Variants in DENND4C observed in about 807,000 individuals in gnomAD.
DENND4C encodes DENN domain-containing protein 4C.
Under a neutral mutation model 203.0 loss-of-function variants are expected in DENND4C, and 108 were observed. That is an observed-to-expected ratio of 0.53 (90% CI 0.46 to 0.62). The LOEUF is 0.62. Among genes scored for constraint, DENND4C ranks in the 20% least tolerant of loss-of-function variants. The pLI, the probability that DENND4C is intolerant of heterozygous loss-of-function variation, is 0.00. For synonymous variants in DENND4C, 871 were observed against 792.4 expected, an observed-to-expected ratio of 1.10 and a Z score of -1.67; for missense variants, 2,481 against 2,301.2, an observed-to-expected ratio of 1.08 and a Z score of -1.60.
intron 30 of DENND4C, among the ~76,000 whole-genome samples, chr9:19,362,887 G>T (rs1826802143): frequency 6.6e-6 from 1 of 152,190 alleles, no homozygotes; most frequent in Non-Finnish European, 1.5e-5. Flanking sequence ...ATACAATTCA[G>T]TAGAGAAATG....
intron 12 of DENND4C, among the ~76,000 whole-genome samples, chr9:19,321,149 T>G (rs1010105132): frequency 6.6e-6 from 1 of 152,218 alleles, no homozygotes; most frequent in Non-Finnish European, 1.5e-5. Context: ...CTCTTTGAAA[T>G]GTTAAAAAGA....
intron 26 of DENND4C, among the ~76,000 whole-genome samples, 184 bp from the exon 27 acceptor site, chr9:19,356,788 T>TGAGAGAGAGA (rs60635871): frequency 6.4e-5 from 9 of 140,380 alleles, no homozygotes; most frequent in African/African-American, 1.7e-4. Context: ...TGTGTGTGTG[T>TGAGAGAGAGA]GAGAGAGAGA....
chr9:19,342,165 C>T (rs959599033), intron 21 of DENND4C, among the ~76,000 whole-genome samples: 3 of 151,008 alleles, frequency 2.0e-5, no homozygotes, highest in African/African-American at 4.9e-5. Flanking sequence ...TGGTTTTTCC[C>T]GGTTTTTATA....
intron 1 of DENND4C, among the ~76,000 whole-genome samples, chr9:19,258,762 C>G (rs1440019790): frequency 6.6e-6 from 1 of 151,842 alleles, no homozygotes; most frequent in Non-Finnish European, 1.5e-5. Context: ...TCAGGAGATT[C>G]TCCTGCCTCA....
chr9:19,339,908 A>G (rs1821240713), intron 20 of DENND4C, among the ~76,000 whole-genome samples: 1 of 151,988 alleles, frequency 6.6e-6, no homozygotes, highest in African/African-American at 2.4e-5. Context: ...TGTTTTATTC[A>G]TTGAAATATA....
At position 19,346,272 on chromosome 9, in the gene DENND4C, G is replaced by A; in HGVS notation, c.3503G>A (p.Trp1168Ter). ...AGGACTTGTATGTCTGAAAGCACTT[G>A]GAATCCTGAGCACAGATCATCTCCG... ...DSRTCMSEST[W>*]NPEHRSSPVP... The change falls in exon 23 of 33, where the codon TGG (tryptophan) becomes TAG (stop). Residue 1168 changes from tryptophan (W) to a stop codon, truncating the protein, a stop_gained. Coordinates refer to ENST00000434457, the MANE Select transcript of DENND4C (RefSeq NM_001330640.2). LOFTEE classifies it high-confidence loss of function. 1 of 1,614,106 alleles carries A rather than the reference G, an allele frequency of 6.2e-7. No individual in the cohort carries two copies. Among genetic ancestry groups the A allele is most frequent in the Non-Finnish European group, 8.5e-7 (1 of 1,180,022 alleles).
intron 22 of DENND4C, among the ~76,000 whole-genome samples, chr9:19,345,457 G>C (rs1822661062): frequency 6.6e-6 from 1 of 152,208 alleles, no homozygotes; most frequent in Admixed American, 6.5e-5. Flanking sequence ...CCAGTGCTAA[G>C]CATTCCATTC....
In DENND4C at chr9:19,346,351, C is replaced by T. The variant is rs201534158; in HGVS notation, c.3582C>T (p.Asp1194=). 9.4e-5 allele frequency: 152 copies of T among 1,614,102 alleles called. No individual in the cohort carries two copies. The highest frequency in any genetic ancestry group is 6.3e-4 in the Admixed American group (38 of 60,006). The stretch of plus-strand genomic sequence containing the variant: ...AACTCCTTGAGCCTGTGGTTGATGA[C>T]GTACCTAAAACTACTGCAACAGTAG... The part of the protein sequence containing the change: ...SQELLEPVVD[D]VPKTTATVDT... Residue 1194 remains aspartate (D), a synonymous_variant, in exon 23 of 33, where the codon GAC becomes GAT. Transcript: ENST00000434457.
At position 19,265,236 on chromosome 9, in the gene DENND4C, C is replaced by T. The variant is rs1232110202; in HGVS notation, c.-17-10922C>T. ...TCTACCATGTTGTCCAGGCTGGTCT[C>T]GCACTCTGGGGCTCAAGCAGTCTGT... is the stretch of plus-strand genomic sequence containing the variant. On this transcript the variant is annotated intron_variant, in intron 1 of 32. Coordinates refer to ENST00000434457, the MANE Select transcript of DENND4C (RefSeq NM_001330640.2). Among the ~76,000 whole-genome samples, 5 of 151,930 alleles carry T rather than the reference C, an allele frequency of 3.3e-5. No homozygotes were observed. In the East Asian group the frequency reaches 7.7e-4, roughly 23 times the overall value.
chr9:19,360,416 T>A lies in DENND4C; in HGVS notation c.5333T>A (p.Phe1778Tyr). 1 of 1,614,146 alleles carries A rather than the reference T, an allele frequency of 6.2e-7. No individual in the cohort carries two copies. The highest frequency in any genetic ancestry group is 8.5e-7 in the Non-Finnish European group (1 of 1,180,000). ...ATTTTCTGGAACCTCGTTTGGTATTTCAGACGTTTGGACCTTCCTAGTAAC... is the reference window on the plus strand; with the variant it reads ...ATTTTCTGGAACCTCGTTTGGTATTACAGACGTTTGGACCTTCCTAGTAAC... ...PIIFWNLVWYFRRLDLPSNLP... is the reference protein window; with the variant it reads ...PIIFWNLVWYYRRLDLPSNLP... The change falls in exon 29 of 33, where the codon TTC (phenylalanine) becomes TAC (tyrosine). Residue 1778 changes from phenylalanine to tyrosine, a missense_variant. By Grantham distance (22) the Phe-to-Tyr change is conservative (BLOSUM62 3). This residue lies in a region of DENND4C where 2,289 missense variants were observed against 2,113.3 expected (regional missense o/e 1.08). Coordinates refer to ENST00000434457, the MANE Select transcript of DENND4C (RefSeq NM_001330640.2).
At chr9:19,370,836 A>G (rs533361535) in intron 31 of DENND4C, among the ~76,000 whole-genome samples, 6 of 152,260 alleles carry the variant, frequency 3.9e-5, no homozygotes, top group Non-Finnish European at 8.8e-5. Context: ...GCGTATATCA[A>G]ACATTCCTAA....
chr9:19,266,079 A>G (rs1035840811), intron 1 of DENND4C, among the ~76,000 whole-genome samples: 4 of 152,204 alleles, frequency 2.6e-5, no homozygotes, highest in Non-Finnish European at 5.9e-5. Flanking sequence ...CCAACAGTGT[A>G]AAAGTGTTCC....
intron 15 of DENND4C, 121 bp downstream of exon 15, chr9:19,326,315 A>ATAC: frequency 9.8e-6 from 10 of 1,016,490 alleles, no homozygotes; most frequent in Non-Finnish European, 1.3e-5. Flanking sequence ...CAGTGAACTA[A>ATAC]TGTAGATAAA....
At chr9:19,317,252 C>T (rs982830483) in intron 12 of DENND4C, among the ~76,000 whole-genome samples, 6 of 149,348 alleles carry the variant, frequency 4.0e-5, no homozygotes, top group Admixed American at 3.4e-4. Flanking sequence ...AACTCCTGGC[C>T]TCAAGTGATC....
Position 19,305,390 on chromosome 9 carries a change from C to A in DENND4C, c.1350C>A (p.Pro450=). The change falls in exon 10 of 33, where the codon CCC becomes CCA. Residue 450 remains proline (P), a synonymous_variant. Coordinates refer to ENST00000434457, the MANE Select transcript of DENND4C (RefSeq NM_001330640.2). ...FPFQWQCPYI[P]LCPLSLAAVL... ...TTCAGTGGCAATGCCCATATATTCCCCTTTGTCCTCTTTCACTGGCTGCAG... is the reference window on the plus strand; with the variant it reads ...TTCAGTGGCAATGCCCATATATTCCACTTTGTCCTCTTTCACTGGCTGCAG... 1.9e-6 allele frequency: 3 copies of A among 1,613,526 alleles called. No homozygotes were observed. The African/African-American group carries it at 4.0e-5, about 22-fold the overall frequency.
intron 1 of DENND4C, among the ~76,000 whole-genome samples, chr9:19,256,373 A>T (rs1827964895): frequency 7.2e-6 from 1 of 139,326 alleles, no homozygotes; most frequent in Non-Finnish European, 1.5e-5. Flanking sequence ...GCAAGGGCGC[A>T]ATCTCTGCTC....
chr9:19,315,491 ATATATATATATATACATGTATG>A (rs1469617501), intron 10 of DENND4C, among the ~76,000 whole-genome samples: 2 of 129,000 alleles, frequency 1.6e-5, no homozygotes, highest in Non-Finnish European at 3.7e-5. Context: ...TATTCTTGGA[ATATATATATATATACATGTATG>A]TATATACATG....
Position 19,346,743 on chromosome 9 carries a change from G to T in DENND4C, c.3974G>T (p.Arg1325Ile). The change falls in exon 23 of 33, where the codon AGA (arginine) becomes ATA (isoleucine). Residue 1325 changes from arginine (R) to isoleucine (I), a missense_variant. Physicochemically the swap from Arg to Ile is moderately conservative, Grantham distance 97. Transcript: ENST00000434457. The stretch of plus-strand genomic sequence containing the variant: ...GCATTTATTCATGCTCTAGAGAGGA[G>T]ATCAAGCCTACCTTTAGATCATGGT... ...TTAFIHALER[R>I]SSLPLDHGSP... The T allele has an allele frequency of 6.2e-7, 1 of 1,614,180 alleles. No individual in the cohort carries two copies. Among genetic ancestry groups the T allele is most frequent in the Non-Finnish European group, 8.5e-7 (1 of 1,180,020 alleles).
chr9:19,356,788 T>TGAGAGAGAGAGAGAGAGA (rs60635871), intron 26 of DENND4C, among the ~76,000 whole-genome samples, 184 bp from the exon 27 acceptor site: 2 of 140,408 alleles, frequency 1.4e-5, no homozygotes, highest in South Asian at 2.3e-4. Context: ...TGTGTGTGTG[T>TGAGAGAGAGAGAGAGAGA]GAGAGAGAGA....
Sources: gnomAD v4.1 joint callset for allele counts (sites outside exome capture counted in the v4.1 genomes callset) on GRCh38, gnomAD v4.1.1 for gene constraint, gnomAD v4.1.1 regional missense constraint, MANE v1.5 for transcripts, NCBI Gene and HGNC (gene_info 2026-07-23, HGNC 2026-07-21) for gene names.